The following PRKCB variants were observed in gnomAD, a reference collection of about 807,000 sequenced individuals.
PRKCB encodes the protein protein kinase C beta.
PRKCB carries 13 observed loss-of-function variants against 81.5 expected under a neutral mutation model. That is an observed-to-expected ratio of 0.16 (90% CI 0.10 to 0.25). The LOEUF (loss-of-function observed/expected upper bound fraction) is 0.25, where lower values mean the gene tolerates loss of function less well. PRKCB is among the 10% of genes least tolerant of loss of function. The probability of loss-of-function intolerance (pLI) is 1.00; values close to 1 mark genes in which losing one functional copy is unlikely to be tolerated. For missense variants in PRKCB, 509 were observed against 875.7 expected, an observed-to-expected ratio of 0.58 and a Z score of 5.29; for synonymous variants, 335 against 321.4, an observed-to-expected ratio of 1.04 and a Z score of -0.45.
At chr16:23,998,676 T>G (rs1964991625) in intron 3 of PRKCB, among the ~76,000 whole-genome samples, 1 of 152,212 alleles carries the variant, frequency 6.6e-6, no homozygotes, top group Non-Finnish European at 1.5e-5. Context: ...TAAAAGCACT[T>G]AGGACAGTGT....
At chr16:24,115,213 A>AGCATTTACCCAAGAGCACTTATCCCAAGC (rs1171207277) in intron 8 of PRKCB, among the ~76,000 whole-genome samples, 2 of 147,000 alleles carry the variant, frequency 1.4e-5, no homozygotes, top group African/African-American at 2.4e-5. Flanking sequence ...TTATCCCAAG[A>AGCATTTACCCAAGAGCACTTATCCCAAGC]GTATTTATCC....
At chr16:24,035,348 G>A in intron 4 of PRKCB, 71 bp from the exon 5 acceptor site, 1 of 1,564,594 alleles carries the variant, frequency 6.4e-7, no homozygotes, top group Non-Finnish European at 8.7e-7. Flanking sequence ...CAGCGGTCTT[G>A]GGTGGGGCAG....
At chr16:24,151,223 C>T (rs886755194) in intron 9 of PRKCB, among the ~76,000 whole-genome samples, 1 of 152,044 alleles carries the variant, frequency 6.6e-6, no homozygotes, top group African/African-American at 2.4e-5. Context: ...CAATTTTTTC[C>T]TTTAACAAGG....
chr16:24,069,280 C>G (rs1220032242), intron 5 of PRKCB, among the ~76,000 whole-genome samples: 2 of 152,180 alleles, frequency 1.3e-5, no homozygotes, highest in Admixed American at 1.3e-4. Context: ...TCCCCATGTC[C>G]TGGGGCAAAT....
chr16:24,120,973 A>C (rs1457634009), intron 8 of PRKCB, among the ~76,000 whole-genome samples: 1 of 151,830 alleles, frequency 6.6e-6, no homozygotes, highest in African/African-American at 2.4e-5. Flanking sequence ...TCTCCTCTCC[A>C]CTCAGAGTGA....
intron 3 of PRKCB, among the ~76,000 whole-genome samples, chr16:24,007,891 C>A (rs8055243): frequency 0.31 from 46,752 of 151,876 alleles, 7,359 homozygotes; most frequent in South Asian, 0.36. Flanking sequence ...AGAGACCTCA[C>A]GTTTCCTAGT....
chr16:24,066,074 C>CCT (rs1567362242), intron 5 of PRKCB, among the ~76,000 whole-genome samples: 1 of 73,266 alleles, frequency 1.4e-5, no homozygotes, highest in Non-Finnish European at 2.9e-5. Flanking sequence ...CTGTGATGTT[C>CCT]CTGTGTGTGT....
intron 16 of PRKCB, among the ~76,000 whole-genome samples, chr16:24,195,136 G>A (rs1214166154): frequency 6.6e-6 from 1 of 151,798 alleles, no homozygotes; most frequent in Non-Finnish European, 1.5e-5. Context: ...GGGAGGTTGA[G>A]GCTGCAGTGA....
At chr16:23,904,803 C>T (rs1963531605) in intron 2 of PRKCB, among the ~76,000 whole-genome samples, 1 of 152,040 alleles carries the variant, frequency 6.6e-6, no homozygotes, top group Non-Finnish European at 1.5e-5. Context: ...GGGATTTTTA[C>T]ATAAAAGGCA....
chr16:24,210,934 A>AT (rs1276955431), intron 16 of PRKCB, among the ~76,000 whole-genome samples: 2 of 152,146 alleles, frequency 1.3e-5, no homozygotes, highest in African/African-American at 2.4e-5. Flanking sequence ...ATTTTGTATC[A>AT]TTTTCTACTA....
At chr16:23,962,737 T>G (rs1964442320) in intron 2 of PRKCB, among the ~76,000 whole-genome samples, 2 of 147,054 alleles carry the variant, frequency 1.4e-5, no homozygotes, top group African/African-American at 5.2e-5. Flanking sequence ...CCAGTCTTTG[T>G]TTTTTTTTTC....
chr16:23,939,218 T>C (rs1964105912), intron 2 of PRKCB, among the ~76,000 whole-genome samples: 1 of 152,192 alleles, frequency 6.6e-6, no homozygotes, highest in Admixed American at 6.5e-5. Flanking sequence ...TGTAAAATGT[T>C]GATGAAAGAA....
In PRKCB at chr16:24,047,075, A is replaced by G. The variant is rs567079033; in HGVS notation, c.529+11528A>G. The stretch of plus-strand genomic sequence containing the variant: ...CTGGGTAGGCAGGGTGCGGTGGCTC[A>G]TGCCTGTAATCCCAGCACTTGGGGA... On this transcript the variant is annotated intron_variant, in intron 5 of 16. Coordinates refer to ENST00000643927, the MANE Select transcript of PRKCB (RefSeq NM_002738.7). Among the ~76,000 whole-genome samples, 221 of 152,234 alleles carry G rather than the reference A, an allele frequency of 1.5e-3. 1 individual carries two copies. The highest frequency in any genetic ancestry group is 5.2e-3 in the African/African-American group (215 of 41,550).
At chr16:23,848,406 C>T (rs950195697) in intron 2 of PRKCB, among the ~76,000 whole-genome samples, 1 of 152,068 alleles carries the variant, frequency 6.6e-6, no homozygotes, top group African/African-American at 2.4e-5. Context: ...CGGAGCACCT[C>T]GTGGCTGTTG....
At chr16:23,993,622 T>A (rs1204770957) in intron 3 of PRKCB, among the ~76,000 whole-genome samples, 1 of 152,228 alleles carries the variant, frequency 6.6e-6, no homozygotes, top group African/African-American at 2.4e-5. Context: ...ATCCCTCTTC[T>A]CTATAGACCA....
At chr16:24,010,230 G>C (rs1440942167) in intron 3 of PRKCB, among the ~76,000 whole-genome samples, 1 of 152,170 alleles carries the variant, frequency 6.6e-6, no homozygotes, top group Non-Finnish European at 1.5e-5. Flanking sequence ...ATCTGAAAGG[G>C]GCAGCGGCAC....
Position 24,212,461 on chromosome 16 carries a change from C to CTTTTTTTTT in PRKCB, c.1864-2179_1864-2171dup, listed in dbSNP as rs975667798. Among the ~76,000 whole-genome samples, 168 of 78,022 alleles carry CTTTTTTTTT rather than the reference C, an allele frequency of 2.2e-3. 1 individual carries two copies. The highest frequency in any genetic ancestry group is 6.5e-3 in the African/African-American group (131 of 20,188). 51.2% of individuals were successfully genotyped at this position (78,022 alleles called of 152,430 possible). ...CTCTCTCCTCCTGTGCTTTTTTTTC[C>CTTTTTTTTT]TTTTTTTTTTTTTTTTTTTTTTTTT... On this transcript the variant is annotated intron_variant, in intron 16 of 16. Transcript: ENST00000643927.
chr16:23,868,140 A>C (rs1345754143), intron 2 of PRKCB, among the ~76,000 whole-genome samples: 4 of 152,186 alleles, frequency 2.6e-5, no homozygotes, highest in Non-Finnish European at 4.4e-5. Context: ...CATGGTCCAC[A>C]TCCATTTATC....
In PRKCB at chr16:24,219,399, G is replaced by A. The variant is rs1049997160; in HGVS notation, c.*4583G>A. 2.0e-6 allele frequency: 2 copies of A among 985,550 alleles called. No individual in the cohort carries two copies. Among genetic ancestry groups the A allele is most frequent in the Admixed American group, 1.2e-4 (2 of 16,298 alleles). 61.1% of individuals were successfully genotyped at this position (985,550 alleles called of 1,614,324 possible). ...AAACACCCAATTCTAGACTGTGGGTGGATTTTCGAGCTGACGGTGGTCAAT... is the reference window on the plus strand; with the variant it reads ...AAACACCCAATTCTAGACTGTGGGTAGATTTTCGAGCTGACGGTGGTCAAT... On this transcript the variant is annotated 3_prime_UTR_variant, in exon 17 of 17. Transcript: ENST00000643927.
Sources: allele counts gnomAD v4.1 joint callset (sites outside exome capture counted in the v4.1 genomes callset), GRCh38; gene constraint gnomAD v4.1.1; transcripts MANE v1.5; gene names NCBI Gene and HGNC (gene_info 2026-07-23, HGNC 2026-07-21).